Variants in NCKAP5 observed in about 807,000 individuals in gnomAD.
NCKAP5 encodes NCK associated protein 5, also known as nck-associated protein 5.
In NCKAP5, 92 loss-of-function variants were observed where a neutral mutation model predicts 167.0. That is an observed-to-expected ratio of 0.55 (90% CI 0.47 to 0.66). NCKAP5 has a LOEUF of 0.66. NCKAP5 is among the 30% of genes least tolerant of loss of function. The pLI, the probability that NCKAP5 is intolerant of heterozygous loss-of-function variation, is 0.00. For synonymous variants in NCKAP5, 891 were observed against 877.4 expected, an observed-to-expected ratio of 1.02 and a Z score of -0.27; for missense variants, 2,378 against 2,315.0, an observed-to-expected ratio of 1.03 and a Z score of -0.56.
At chr2:133,000,217 C>A (rs1344595605) in intron 6 of NCKAP5, among the ~76,000 whole-genome samples, 1 of 152,180 alleles carries the variant, frequency 6.6e-6, no homozygotes, top group Non-Finnish European at 1.5e-5. Context: ...ATTTGACTCC[C>A]AAACTTCTCA....
intron 2 of NCKAP5, among the ~76,000 whole-genome samples, chr2:133,528,635 C>T (rs1181229408): frequency 6.6e-6 from 1 of 152,214 alleles, no homozygotes; most frequent in African/African-American, 2.4e-5. Context: ...TCTCATAAAG[C>T]TATGCACAGC....
intron 7 of NCKAP5, among the ~76,000 whole-genome samples, chr2:132,982,323 A>C (rs759225630): frequency 1.4e-4 from 22 of 152,160 alleles, no homozygotes; most frequent in Non-Finnish European, 2.8e-4. Flanking sequence ...AATTCCAGCT[A>C]ATTAGGTTGC....
chr2:132,925,046 A>G (rs1695746065), intron 8 of NCKAP5, among the ~76,000 whole-genome samples: 1 of 151,992 alleles, frequency 6.6e-6, no homozygotes, highest in South Asian at 2.1e-4. Context: ...CACAGTAGTG[A>G]TTTGCTTCTT....
intron 3 of NCKAP5, among the ~76,000 whole-genome samples, chr2:133,473,778 C>A (rs1035907787): frequency 6.6e-6 from 1 of 152,160 alleles, no homozygotes; most frequent in Non-Finnish European, 1.5e-5. Flanking sequence ...ACTGAATAGC[C>A]TCATATTTAA....
intron 3 of NCKAP5, among the ~76,000 whole-genome samples, chr2:133,427,798 A>C (rs955828027): frequency 2.6e-5 from 4 of 152,096 alleles, no homozygotes; most frequent in Admixed American, 2.6e-4. Flanking sequence ...CATCAAGATC[A>C]CTGGAAATAA....
chr2:132,731,685 C>T, intron 17 of NCKAP5, 52 bp downstream of exon 17: 2 of 1,510,926 alleles, frequency 1.3e-6, no homozygotes, highest in African/African-American at 2.8e-5. Context: ...GAAAAGTTTC[C>T]CTTTTTTTTG....
chr2:133,206,275 G>T (rs2150142225), intron 5 of NCKAP5, among the ~76,000 whole-genome samples: 1 of 152,242 alleles, frequency 6.6e-6, no homozygotes. Context: ...TACTATGTGT[G>T]TTGCGGGAAG....
chr2:132,988,242 A>T (rs1327076921), intron 7 of NCKAP5, among the ~76,000 whole-genome samples: 1 of 152,162 alleles, frequency 6.6e-6, no homozygotes, highest in East Asian at 1.9e-4. Context: ...AGGTGGGCAG[A>T]TCACGAGGTC....
chr2:132,808,350 A>G (rs1248769069), intron 11 of NCKAP5, among the ~76,000 whole-genome samples: 1 of 151,856 alleles, frequency 6.6e-6, no homozygotes, highest in African/African-American at 2.4e-5. Context: ...TTCTTCTTTG[A>G]ATGTCAGGTA....
At chr2:132,984,301 A>G (rs2077224618) in intron 7 of NCKAP5, among the ~76,000 whole-genome samples, 1 of 152,160 alleles carries the variant, frequency 6.6e-6, no homozygotes, top group Non-Finnish European at 1.5e-5. Context: ...GTGGGTTGTG[A>G]ACCCCAATCC....
chr2:133,167,862 C>A (rs962429192), intron 5 of NCKAP5, among the ~76,000 whole-genome samples: 1 of 152,060 alleles, frequency 6.6e-6, no homozygotes, highest in African/African-American at 2.4e-5. Context: ...CTACAGATTC[C>A]TGCTCCCCAC....
rs180909552 is a variant in NCKAP5 at position 132,956,254 on chromosome 2, C to T, written c.579+7466G>A. 2.6e-5 allele frequency among the ~76,000 whole-genome samples: 4 copies of T among 152,244 alleles called. No individual in the cohort carries two copies. In the East Asian group the frequency reaches 5.8e-4, roughly 22 times the overall value. On this transcript the variant is annotated intron_variant, in intron 8 of 19. Coordinates refer to ENST00000409261, the MANE Select transcript of NCKAP5 (RefSeq NM_207363.3). ...CAATTTTTAAAATGACCAGTGAAAG[C>T]TTGTTGGGTTTAGTACAGAACTGGA...
chr2:133,155,030 T>C (rs1489810524), intron 5 of NCKAP5, among the ~76,000 whole-genome samples: 1 of 152,236 alleles, frequency 6.6e-6, no homozygotes, highest in Non-Finnish European at 1.5e-5. Flanking sequence ...CCATTATGCC[T>C]ATGTGAGGTA....
chr2:133,163,791 T>G (rs2083894073), intron 5 of NCKAP5, among the ~76,000 whole-genome samples: 2 of 152,160 alleles, frequency 1.3e-5, no homozygotes, highest in Non-Finnish European at 2.9e-5. Flanking sequence ...ACACTTGAAC[T>G]TCAACTTTTA....
At chr2:133,156,908 AC>A (rs1385743280) in intron 5 of NCKAP5, among the ~76,000 whole-genome samples, 7 of 152,054 alleles carry the variant, frequency 4.6e-5, no homozygotes, top group African/African-American at 1.7e-4. Context: ...TAGCACGCCA[AC>A]CTAATCTTAC....
At chr2:133,001,114 T>C (rs553807339) in intron 6 of NCKAP5, among the ~76,000 whole-genome samples, 1 of 152,302 alleles carries the variant, frequency 6.6e-6, no homozygotes, top group South Asian at 2.1e-4. Context: ...ATTTATGTAT[T>C]TCATTGTATG....
At chr2:133,554,451 C>T (rs1241465865) in intron 2 of NCKAP5, 2 of 152,084 alleles carry the variant, frequency 1.3e-5, no homozygotes, top group East Asian at 3.9e-4. Flanking sequence ...TATGAACCAA[C>T]AGAACATTGG....
the NCKAP5 span, among the ~76,000 whole-genome samples, chr2:133,615,598 T>G: frequency 1.2e-4 from 18 of 152,170 alleles, no homozygotes; most frequent in Non-Finnish European, 2.4e-4. Context: ...CAAGAAGAGC[T>G]AACTATCCTA....
chr2:133,546,696 A>C (rs1178103412), intron 2 of NCKAP5, among the ~76,000 whole-genome samples: 5 of 152,148 alleles, frequency 3.3e-5, no homozygotes, highest in African/African-American at 1.2e-4. Flanking sequence ...ACAAAACAAC[A>C]ACAAAAAAAA....
Sources: gnomAD v4.1 joint callset for allele counts (sites outside exome capture counted in the v4.1 genomes callset) on GRCh38, gnomAD v4.1.1 for gene constraint, MANE v1.5 for transcripts, NCBI Gene and HGNC (gene_info 2026-07-23, HGNC 2026-07-21) for gene names.